DLG2: variants seen among roughly 807,000 people sequenced by gnomAD.
The protein encoded by DLG2 is disks large homolog 2.
DLG2 carries 45 observed loss-of-function variants against 132.5 expected under a neutral mutation model. That is an observed-to-expected ratio of 0.34 (90% confidence interval 0.27 to 0.44). DLG2 has a LOEUF of 0.44. Ranked by LOEUF, DLG2 falls within the 20% of genes least tolerant of loss-of-function variation. DLG2 has a pLI of 1.00. For synonymous variants in DLG2, 424 were observed against 419.6 expected (o/e 1.01, Z -0.13); for missense variants, 1,045 against 1,196.9 (o/e 0.87, Z 1.87).
At chr11:83,968,781 T>G (rs1011165464) in intron 12 of DLG2, among the ~76,000 whole-genome samples, 4 of 152,134 alleles carry the variant, frequency 2.6e-5, no homozygotes, top group Admixed American at 1.3e-4. Flanking sequence ...ACCATGCTGT[T>G]AACCACTCAG....
rs1339830903 is a variant in DLG2, at chr11:84,444,147, T to G, written c.519+90423A>C. Among the ~76,000 whole-genome samples the G allele has an allele frequency of 2.6e-5, 4 of 152,052 alleles. No individual in the cohort carries two copies. The East Asian group carries it at 7.7e-4, about 29-fold the overall frequency. ...AACACTGCATGTTCTCACTTATAAG[T>G]GGGAGCTGAATGATGAGAACACATG... is the stretch of plus-strand genomic sequence containing the variant. On this transcript the variant is annotated intron_variant, in intron 7 of 27. Transcript: ENST00000376104.
At chr11:85,367,130 C>A (rs986267931) in intron 3 of DLG2, among the ~76,000 whole-genome samples, 1 of 152,074 alleles carries the variant, frequency 6.6e-6, no homozygotes, top group Non-Finnish European at 1.5e-5. Flanking sequence ...TTTAGATCAA[C>A]GTTTTAAAAA....
chr11:84,729,100 GAT>G (rs1340426927), intron 6 of DLG2, among the ~76,000 whole-genome samples: 22 of 152,136 alleles, frequency 1.4e-4, no homozygotes, highest in Admixed American at 1.1e-3. Flanking sequence ...GTTCTGCTCT[GAT>G]CTTAGTTATT....
In DLG2 at chr11:84,193,511, G is replaced by A. The variant is rs561540102; in HGVS notation, c.574-30000C>T. On this transcript the variant is annotated intron_variant, in intron 8 of 27. Coordinates refer to ENST00000376104, the MANE Select transcript of DLG2 (RefSeq NM_001142699.3). ...AATAAATAATGGAGAAGTGTTCATT[G>A]TTATTATACAGTGAATCATCCACCC... Among the ~76,000 whole-genome samples the A allele has an allele frequency of 2.0e-5, 3 of 152,278 alleles. No homozygotes were observed. The South Asian group carries it at 6.2e-4, about 32-fold the overall frequency.
At chr11:84,450,320 G>A (rs1296393448) in intron 7 of DLG2, among the ~76,000 whole-genome samples, 1 of 151,338 alleles carries the variant, frequency 6.6e-6, no homozygotes. Context: ...GAGAACATTA[G>A]CCCATGAGTT....
chr11:84,594,218 G>A (rs1001244313), intron 6 of DLG2, among the ~76,000 whole-genome samples: 1 of 152,176 alleles, frequency 6.6e-6, no homozygotes, highest in Non-Finnish European at 1.5e-5. Context: ...GATTTCTTTA[G>A]CCCTGGTAAG....
At chr11:84,165,837 A>T (rs2095649451) in intron 8 of DLG2, among the ~76,000 whole-genome samples, 1 of 152,058 alleles carries the variant, frequency 6.6e-6, no homozygotes, top group Non-Finnish European at 1.5e-5. Context: ...GATGGAGGTT[A>T]CAGTGAGCCG....
chr11:85,324,394 C>A (rs1423715588), intron 3 of DLG2, among the ~76,000 whole-genome samples: 1 of 152,116 alleles, frequency 6.6e-6, no homozygotes, highest in Non-Finnish European at 1.5e-5. Flanking sequence ...GCTCTTACTA[C>A]AGAGTTAGAA....
At chr11:84,243,420 G>C (rs1443146533) in intron 8 of DLG2, among the ~76,000 whole-genome samples, 1 of 152,134 alleles carries the variant, frequency 6.6e-6, no homozygotes, top group Non-Finnish European at 1.5e-5. Flanking sequence ...TTTCCTTATA[G>C]ATGTGTATAT....
At chr11:84,643,581 T>C (rs1399274982) in intron 6 of DLG2, among the ~76,000 whole-genome samples, 2 of 152,156 alleles carry the variant, frequency 1.3e-5, no homozygotes, top group African/African-American at 4.8e-5. Context: ...GGAAGGATGG[T>C]TCTCTTAAAA....
chr11:84,214,977 C>T (rs115944724), intron 8 of DLG2, among the ~76,000 whole-genome samples: 20 of 152,266 alleles, frequency 1.3e-4, no homozygotes, highest in African/African-American at 4.6e-4. Context: ...GAACTGTCAC[C>T]TATGGCAGAA....
At chr11:83,732,849 C>T (rs192294177) in intron 18 of DLG2, among the ~76,000 whole-genome samples, 94 of 152,284 alleles carry the variant, frequency 6.2e-4, no homozygotes, top group African/African-American at 2.0e-3. Flanking sequence ...GAAACACTTT[C>T]GCTGAGGTAG....
chr11:84,012,814 G>C (rs1036757148), intron 11 of DLG2, among the ~76,000 whole-genome samples: 3 of 152,046 alleles, frequency 2.0e-5, no homozygotes, highest in Non-Finnish European at 2.9e-5. Context: ...AAGGGATCTC[G>C]GGGTTAATCT....
At chr11:85,198,953 A>C (rs2152546431) in intron 4 of DLG2, among the ~76,000 whole-genome samples, 1 of 152,244 alleles carries the variant, frequency 6.6e-6, no homozygotes, top group Non-Finnish European at 1.5e-5. Flanking sequence ...GTTATCTTCA[A>C]GTTTCAGGTC....
intron 6 of DLG2, among the ~76,000 whole-genome samples, chr11:84,935,154 G>A (rs937734783): frequency 1.3e-5 from 2 of 152,116 alleles, no homozygotes; most frequent in Non-Finnish European, 2.9e-5. Context: ...AATTTTCTTA[G>A]ATATTTGCAG....
intron 7 of DLG2, among the ~76,000 whole-genome samples, chr11:84,275,868 A>G (rs2097778936): frequency 1.3e-5 from 2 of 152,236 alleles, no homozygotes; most frequent in Non-Finnish European, 2.9e-5. Context: ...GGGCAGGCTC[A>G]TGGAAGATTT....
At chr11:85,158,542 T>C (rs765645099) in intron 4 of DLG2, among the ~76,000 whole-genome samples, 2 of 152,168 alleles carry the variant, frequency 1.3e-5, no homozygotes, top group Non-Finnish European at 1.5e-5. Context: ...AATAGATTTG[T>C]GAGGGCAGCA....
intron 9 of DLG2, among the ~76,000 whole-genome samples, chr11:84,108,672 A>G (rs1171016437): frequency 4.6e-5 from 7 of 152,152 alleles, no homozygotes; most frequent in Admixed American, 4.6e-4. Context: ...CACTGGGGAC[A>G]GTAAGTTTTT....
At chr11:85,340,152 G>C (rs1388591675) in intron 3 of DLG2, among the ~76,000 whole-genome samples, 2 of 152,116 alleles carry the variant, frequency 1.3e-5, no homozygotes, top group Admixed American at 1.3e-4. Flanking sequence ...TATACCCAAA[G>C]GATTATAAAT....
Sources: allele counts gnomAD v4.1 joint callset (sites outside exome capture counted in the v4.1 genomes callset), GRCh38; gene constraint gnomAD v4.1.1; transcripts MANE v1.5; gene names NCBI Gene and HGNC (gene_info 2026-07-23, HGNC 2026-07-21).